The following FGF23 variants were observed in gnomAD, a reference collection of about 807,000 sequenced individuals.
FGF23 encodes the protein fibroblast growth factor 23.
Under a neutral mutation model 9.0 loss-of-function variants are expected in FGF23, and 8 were observed. The ratio of observed to expected loss-of-function variants is 0.89; its 90% confidence interval spans 0.52 to 1.60. The LOEUF is 1.60. Ranked by LOEUF, FGF23 falls within the 40% of genes most tolerant of loss-of-function variation. The probability of loss-of-function intolerance (pLI) is 0.00; values close to 1 mark genes in which losing one functional copy is unlikely to be tolerated. For missense variants in FGF23, 311 were observed against 344.3 expected, an observed-to-expected ratio of 0.90 and a Z score of 0.77; for synonymous variants, 118 against 146.2, an observed-to-expected ratio of 0.81 and a Z score of 1.39.
chr12:4,370,532 G>C lies in FGF23; in HGVS notation c.567C>G (p.Pro189=). The C allele has an allele frequency of 6.2e-7, 1 of 1,612,940 alleles. No individual in the cohort carries two copies. Among genetic ancestry groups the C allele is most frequent in the South Asian group, 1.1e-5 (1 of 91,054 alleles). Residue 189 remains proline, a synonymous_variant, in exon 3 of 3, where the codon CCC becomes CCG. Coordinates refer to ENST00000237837, the MANE Select transcript of FGF23 (RefSeq NM_020638.3). ...GGGCCCGGGGCTTCAGCACGTTCAGGGGGTCCCGCTCCGAGTCGTCCTCGG... is the reference window on the plus strand; with the variant it reads ...GGGCCCGGGGCTTCAGCACGTTCAGCGGGTCCCGCTCCGAGTCGTCCTCGG... The part of the protein sequence containing the change: ...RSAEDDSERD[P]LNVLKPRARM...
At chr12:4,373,614 G>GT (rs1865086176) in intron 1 of FGF23, among the ~76,000 whole-genome samples, 2 of 152,038 alleles carry the variant, frequency 1.3e-5, no homozygotes, top group African/African-American at 4.8e-5. Context: ...CTCCGACAAG[G>GT]GCCTGAAACC....
chr12:4,370,089 T>A lies in FGF23; in HGVS notation c.*254A>T. On this transcript the variant is annotated 3_prime_UTR_variant, in exon 3 of 3. Transcript: ENST00000237837. ...TCTCTCTACCTTCATGAAGGGGAAA[T>A]TTCTAGTTTACCTGTTGGGGTTTCC... is the stretch of plus-strand genomic sequence containing the variant. 2.1e-6 allele frequency: 1 copy of A among 485,944 alleles called. No individual in the cohort carries two copies. Among genetic ancestry groups the A allele is most frequent in the Non-Finnish European group, 3.7e-6 (1 of 273,642 alleles). 30.1% of individuals were successfully genotyped at this position (485,944 alleles called of 1,614,324 possible). A position where few individuals can be genotyped will look rare whatever the true frequency, so the allele number is the denominator to read the frequency against.
Position 4,370,420 on chromosome 12 carries a change from C to T in FGF23, c.679G>A (p.Val227Ile). ...TGCGTGTTCACTCGACCGCCCCTGA[C>T]CACCCCTAATGGGTCACTGGCCATC... ...SPMASDPLGV[V>I]RGGRVNTHAG... The change falls in exon 3 of 3, where the codon GTC becomes ATC. Residue 227 changes from valine to isoleucine, a missense_variant. By Grantham distance (29) the Val-to-Ile change is conservative. Around this residue, in one of 3 missense-constraint regions of FGF23, gnomAD observed 206 missense variants for 219.2 expected, o/e 0.94. Coordinates refer to ENST00000237837, the MANE Select transcript of FGF23 (RefSeq NM_020638.3). 6.2e-7 allele frequency: 1 copy of T among 1,613,836 alleles called. No homozygotes were observed. The highest frequency in any genetic ancestry group is 8.5e-7 in the Non-Finnish European group (1 of 1,180,018).
At chr12:4,377,421 T>C (rs184967542) in intron 1 of FGF23, among the ~76,000 whole-genome samples, 8 of 118,372 alleles carry the variant, frequency 6.8e-5, no homozygotes, top group Non-Finnish European at 1.1e-4. Context: ...TCACATATAG[T>C]CTTTTTTTTT....
chr12:4,376,830 A>G (rs996949962), intron 1 of FGF23, among the ~76,000 whole-genome samples: 1 of 152,004 alleles, frequency 6.6e-6, no homozygotes, highest in Non-Finnish European at 1.5e-5. Flanking sequence ...CTTTTGGGTA[A>G]CTTTTAATTG....
intron 1 of FGF23, among the ~76,000 whole-genome samples, chr12:4,378,608 T>G (rs1935796449): frequency 6.6e-6 from 1 of 152,162 alleles, no homozygotes. Flanking sequence ...GCCAATAAGT[T>G]TCTAACTAGC....
chr12:4,379,090 T>C (rs1454596312), intron 1 of FGF23, among the ~76,000 whole-genome samples: 3 of 152,148 alleles, frequency 2.0e-5, no homozygotes, highest in Non-Finnish European at 4.4e-5. Flanking sequence ...GGAACATGGC[T>C]CCTACTGTGG....
chr12:4,375,459 G>C (rs1260199536), intron 1 of FGF23, among the ~76,000 whole-genome samples: 1 of 152,222 alleles, frequency 6.6e-6, no homozygotes, highest in Non-Finnish European at 1.5e-5. Context: ...ATGTGAGAGA[G>C]TCAGAGTTTC....
intron 1 of FGF23, among the ~76,000 whole-genome samples, chr12:4,374,139 G>A (rs939381049): frequency 6.6e-6 from 1 of 152,286 alleles, no homozygotes; most frequent in Non-Finnish European, 1.5e-5. Context: ...GTGGAGACAA[G>A]CCCCAGAAAG....
At position 4,370,485 on chromosome 12, in the gene FGF23, G is replaced by C; in HGVS notation, c.614C>G (p.Ser205Cys). ...PRARMTPAPA[S>C]CSQELPSAED... is the part of the protein sequence containing the mutation. ...GGCGCTCGGGAGCTCCTGTGAACAG[G>C]AGGCCGGGGCCGGGGTCATCCGGGC... is the stretch of plus-strand genomic sequence containing the variant. Residue 205 changes from serine to cysteine, a missense_variant, in exon 3 of 3, where the codon TCC (serine) becomes TGC (cysteine). By Grantham distance (112) the Ser-to-Cys change is moderately radical. Around this residue, in one of 3 missense-constraint regions of FGF23, gnomAD observed 206 missense variants for 219.2 expected, o/e 0.94. Coordinates refer to ENST00000237837, the MANE Select transcript of FGF23 (RefSeq NM_020638.3). 6.2e-7 allele frequency: 1 copy of C among 1,612,052 alleles called. No individual in the cohort carries two copies. Among genetic ancestry groups the C allele is most frequent in the Middle Eastern group, 1.7e-4 (1 of 6,032 alleles).
intron 1 of FGF23, among the ~76,000 whole-genome samples, chr12:4,376,863 CT>C (rs1031714795): frequency 1.3e-4 from 19 of 151,392 alleles, no homozygotes; most frequent in South Asian, 4.2e-4. Context: ...TTTTCCTGCA[CT>C]TTTTTTTTCC....
chr12:4,376,831 CTT>C (rs1028474038), intron 1 of FGF23, among the ~76,000 whole-genome samples: 12 of 152,062 alleles, frequency 7.9e-5, no homozygotes, highest in African/African-American at 2.9e-4. Flanking sequence ...TTTTGGGTAA[CTT>C]TTAATTGTAG....
rs1865034279 is a variant in FGF23 at position 4,369,207 on chromosome 12, G to C, written c.*1136C>G. The C allele has an allele frequency of 4.3e-6, 1 of 231,502 alleles. No homozygotes were observed. Among genetic ancestry groups the C allele is most frequent in the African/African-American group, 2.2e-5 (1 of 45,202 alleles). The allele number at this position is 231,502 out of a possible 1,614,324, so 14.3% of individuals were successfully genotyped here. A position where few individuals can be genotyped will look rare whatever the true frequency, so the allele number is the denominator to read the frequency against. On this transcript the variant is annotated 3_prime_UTR_variant, in exon 3 of 3. Transcript: ENST00000237837. ...ACCACAGACAAGAGCCTGACCATGT[G>C]GTTGTCTTTTCATAACTTCTATAAC...
At chr12:4,372,551 T>A in intron 2 of FGF23, 43 bp downstream of exon 2, 6 of 1,197,360 alleles carry the variant, frequency 5.0e-6, no homozygotes, top group Non-Finnish European at 6.3e-6. Flanking sequence ...AGAAATTAGG[T>A]TAATTGTTTG....
At chr12:4,376,928 A>G (rs930510266) in intron 1 of FGF23, among the ~76,000 whole-genome samples, 6 of 152,128 alleles carry the variant, frequency 3.9e-5, no homozygotes, top group African/African-American at 1.4e-4. Context: ...TACATAGACT[A>G]GGAAAAGTAG....
chr12:4,376,023 C>T (rs973573610), intron 1 of FGF23, among the ~76,000 whole-genome samples: 12 of 152,118 alleles, frequency 7.9e-5, no homozygotes, highest in African/African-American at 2.9e-4. Context: ...GGTAATTCAG[C>T]TTCAATAAAG....
chr12:4,372,095 A>T (rs529870458), intron 2 of FGF23, among the ~76,000 whole-genome samples: 1 of 147,684 alleles, frequency 6.8e-6, no homozygotes, highest in Non-Finnish European at 1.5e-5. Flanking sequence ...CAAACACCGC[A>T]TATTCTCACT....
At position 4,370,329 on chromosome 12, in the gene FGF23, C is replaced by G. The variant is rs1489157031; in HGVS notation, c.*14G>C. 6.2e-7 allele frequency: 1 copy of G among 1,610,678 alleles called. No individual in the cohort carries two copies. Among genetic ancestry groups the G allele is most frequent in the Non-Finnish European group, 8.5e-7 (1 of 1,178,586 alleles). ...GCTGAGGGATGGGTTAAAGAGGGTG[C>G]CCTTCCAGCGACCCTAGATGAACTT... On this transcript the variant is annotated 3_prime_UTR_variant, in exon 3 of 3. Coordinates refer to ENST00000237837, the MANE Select transcript of FGF23 (RefSeq NM_020638.3).
At chr12:4,377,425 T>TC (rs1179007527) in intron 1 of FGF23, among the ~76,000 whole-genome samples, 12 of 110,870 alleles carry the variant, frequency 1.1e-4, no homozygotes, top group Non-Finnish European at 2.1e-4. Flanking sequence ...ATATAGTCTT[T>TC]TTTTTTTTTT....
Sources: allele counts gnomAD v4.1 joint callset (sites outside exome capture counted in the v4.1 genomes callset), GRCh38; gene constraint gnomAD v4.1.1; regional missense constraint gnomAD v4.1.1; transcripts MANE v1.5; gene names NCBI Gene and HGNC (gene_info 2026-07-23, HGNC 2026-07-21).